The following SH3TC2 variants were observed in gnomAD, a reference collection of about 807,000 sequenced individuals.
SH3TC2 encodes the protein SH3 domain and tetratricopeptide repeats 2.
Under a neutral mutation model 124.5 loss-of-function variants are expected in SH3TC2, and 87 were observed. That is an observed-to-expected ratio of 0.70 (90% CI 0.59 to 0.84). The LOEUF is 0.84. Among genes scored for constraint, SH3TC2 ranks in the 40% least tolerant of loss-of-function variants. The pLI is 0.00. For missense variants in SH3TC2, 1,536 were observed against 1,566.4 expected (o/e 0.98, Z 0.33); for synonymous variants, 634 against 628.5 (o/e 1.01, Z -0.13).
intron 1 of SH3TC2, among the ~76,000 whole-genome samples, chr5:149,053,577 C>T (rs887263069): frequency 3.3e-5 from 5 of 152,130 alleles, no homozygotes; most frequent in African/African-American, 9.7e-5. Flanking sequence ...AGTTCTGCCC[C>T]GAGGAACCAA....
At chr5:149,026,540 T>G in intron 12 of SH3TC2, 32 bp downstream of exon 12, 1 of 1,612,344 alleles carries the variant, frequency 6.2e-7, no homozygotes, top group Non-Finnish European at 8.5e-7. Flanking sequence ...GAAGGAAAGC[T>G]GCTTCTAGGA....
In SH3TC2 at chr5:148,983,865, A is replaced by G. The variant is rs1177854938; in HGVS notation, c.*20846T>C. Reference sequence around the variant, plus strand: ...CTTCTGGTCACCACCCTGAAACTGCATGAAGCTTAGGAATGAACAGGGAAA... The same window carrying G: ...CTTCTGGTCACCACCCTGAAACTGCGTGAAGCTTAGGAATGAACAGGGAAA... On this transcript the variant is annotated 3_prime_UTR_variant, in exon 17 of 17. Transcript: ENST00000515425. 6.6e-6 allele frequency among the ~76,000 whole-genome samples: 1 copy of G among 152,220 alleles called. No individual in the cohort carries two copies. The highest frequency in any genetic ancestry group is 6.5e-5 in the Admixed American group (1 of 15,286).
intron 2 of SH3TC2, among the ~76,000 whole-genome samples, chr5:149,051,637 A>G (rs1754558442): frequency 6.6e-6 from 1 of 151,960 alleles, no homozygotes; most frequent in Non-Finnish European, 1.5e-5. Context: ...TTTTTTGTTT[A>G]GGGATCAGGT....
intron 12 of SH3TC2, chr5:149,026,370 G>A (rs2127396781): frequency 1.6e-6 from 1 of 621,022 alleles, no homozygotes; most frequent in African/African-American, 1.8e-5. Flanking sequence ...AGGAAACTGA[G>A]ACATGGAGAA....
chr5:149,040,673 A>G lies in SH3TC2; in HGVS notation c.736T>C (p.Phe246Leu). The change falls in exon 7 of 17, where the codon TTC (phenylalanine) becomes CTC (leucine). Residue 246 changes from phenylalanine (F) to leucine (L), a missense_variant. Transcript: ENST00000515425. ...EPLPLPFHQW[F>L]LKNYPGSCGL... ...CAGCTTCCTGGATAATTCTTTAGGA[A>G]CCACCTGCCAATGAAAACATGGGGT... 1 of 1,614,112 alleles carries G rather than the reference A, an allele frequency of 6.2e-7. No homozygotes were observed. Among genetic ancestry groups the G allele is most frequent in the Non-Finnish European group, 8.5e-7 (1 of 1,179,990 alleles).
At chr5:149,013,882 T>A (rs1336655645) in intron 12 of SH3TC2, among the ~76,000 whole-genome samples, 1 of 152,214 alleles carries the variant, frequency 6.6e-6, no homozygotes, top group Admixed American at 6.5e-5. Context: ...TTTCCCAGTG[T>A]GTTGCAACTT....
At chr5:149,058,179 TAA>T (rs1371717923) in intron 1 of SH3TC2, among the ~76,000 whole-genome samples, 5 of 152,214 alleles carry the variant, frequency 3.3e-5, no homozygotes, top group African/African-American at 1.2e-4. Flanking sequence ...GCTTTTGATA[TAA>T]GCTAGTTTTA....
rs1053300035 is a variant in SH3TC2, at chr5:149,001,072, C to T, written c.*3639G>A. On this transcript the variant is annotated 3_prime_UTR_variant, in exon 17 of 17. Transcript: ENST00000515425. ...CCTTTAGTGATAGGCTTCCTGATCC[C>T]TCATCCTAACACCCTCCATTCCTGC... 6.6e-6 allele frequency among the ~76,000 whole-genome samples: 1 copy of T among 152,114 alleles called. No homozygotes were observed. Among genetic ancestry groups the T allele is most frequent in the African/African-American group, 2.4e-5 (1 of 41,428 alleles).
intron 12 of SH3TC2, among the ~76,000 whole-genome samples, chr5:149,019,105 A>C (rs1753925925): frequency 6.6e-6 from 1 of 152,192 alleles, no homozygotes; most frequent in South Asian, 2.1e-4. Context: ...CTCCTAAGCA[A>C]TCTGTGCCAG....
intron 1 of SH3TC2, among the ~76,000 whole-genome samples, chr5:149,052,491 C>T (rs542843612): frequency 2.0e-5 from 3 of 152,292 alleles, no homozygotes; most frequent in African/African-American, 4.8e-5. Flanking sequence ...ATTCACATAT[C>T]GAACTACGTC....
chr5:149,004,730 C>A lies in SH3TC2; in HGVS notation c.3848G>T (p.Gly1283Val). The stretch of plus-strand genomic sequence containing the variant: ...CTTTCCTCAGAGGGCCAGGCCACCA[C>A]CACTCAGCCACCGCGCCCTCTCTGA... Reference protein sequence around the residue: ...CSSERARWLSGGGLAL With the variant: ...CSSERARWLSVGGLAL The change falls in exon 17 of 17, where the codon GGT becomes GTT. Residue 1283 changes from glycine to valine, a missense_variant. By Grantham distance (109) the Gly-to-Val change is moderately radical. Around this residue, in one of 3 missense-constraint regions of SH3TC2, gnomAD observed 426 missense variants for 443.5 expected, o/e 0.96. Coordinates refer to ENST00000515425, the MANE Select transcript of SH3TC2 (RefSeq NM_024577.4). 6.2e-7 allele frequency: 1 copy of A among 1,613,482 alleles called. No homozygotes were observed. Among genetic ancestry groups the A allele is most frequent in the Non-Finnish European group, 8.5e-7 (1 of 1,179,980 alleles).
Position 149,004,588 on chromosome 5 carries a change from T to C in SH3TC2, c.*123A>G, listed in dbSNP as rs1194095910. Reference sequence around the variant, plus strand: ...TTCTCCTCCTGGACTTCATTCTTCTTCTTGTGAAATGAGGGGGCTAGGCCA... The same window carrying C: ...TTCTCCTCCTGGACTTCATTCTTCTCCTTGTGAAATGAGGGGGCTAGGCCA... On this transcript the variant is annotated 3_prime_UTR_variant, in exon 17 of 17. Transcript: ENST00000515425. 9.9e-7 allele frequency: 1 copy of C among 1,006,524 alleles called. No homozygotes were observed. Among genetic ancestry groups the C allele is most frequent in the Non-Finnish European group, 1.4e-6 (1 of 690,510 alleles). The allele number at this position is 1,006,524 out of a possible 1,614,324, so 62.3% of individuals were successfully genotyped here. A position where few individuals can be genotyped will look rare whatever the true frequency, so the allele number is the denominator to read the frequency against.
At chr5:149,041,984 T>C (rs960011406) in intron 5 of SH3TC2, among the ~76,000 whole-genome samples, 1 of 152,220 alleles carries the variant, frequency 6.6e-6, no homozygotes, top group Non-Finnish European at 1.5e-5. Flanking sequence ...CAAAAAAGAA[T>C]TGATTAAATT....
intron 3 of SH3TC2, 172 bp downstream of exon 3, chr5:149,047,690 T>G (rs1049845374): frequency 1.4e-5 from 13 of 900,544 alleles, no homozygotes; most frequent in Non-Finnish European, 2.3e-5. Context: ...TGCCCACTCC[T>G]CTCCACTCCT....
chr5:149,023,412 T>C (rs958009552), intron 12 of SH3TC2, among the ~76,000 whole-genome samples: 4 of 152,124 alleles, frequency 2.6e-5, no homozygotes, highest in African/African-American at 9.7e-5. Context: ...TAATATCTAA[T>C]ATTTATTTAA....
chr5:149,047,848 T>A lies in SH3TC2; in HGVS notation c.279+14A>T. 2.5e-6 allele frequency: 4 copies of A among 1,613,870 alleles called. No individual in the cohort carries two copies. The highest frequency in any genetic ancestry group is 3.4e-6 in the Non-Finnish European group (4 of 1,179,830). ...AGTCAGTACTCAGCATTCACCTGTT[T>A]CCTTCATGCTCACCTTAAACAGCAT... is the stretch of plus-strand genomic sequence containing the variant. On this transcript the variant is annotated intron_variant, in intron 3 of 16. Coordinates refer to ENST00000515425, the MANE Select transcript of SH3TC2 (RefSeq NM_024577.4).
chr5:149,047,494 T>A (rs1754484169), intron 3 of SH3TC2: 1 of 315,940 alleles, frequency 3.2e-6, no homozygotes, highest in Non-Finnish European at 6.2e-6. Context: ...ATGTATATTG[T>A]ATCACAGTAA....
intron 12 of SH3TC2, among the ~76,000 whole-genome samples, chr5:149,017,872 C>G (rs533852684): frequency 8.5e-5 from 13 of 152,274 alleles, no homozygotes; most frequent in African/African-American, 2.6e-4. Flanking sequence ...GGCCCATGAG[C>G]CAAATACAGC....
At chr5:149,055,913 C>T (rs1679283372) in intron 1 of SH3TC2, among the ~76,000 whole-genome samples, 1 of 151,980 alleles carries the variant, frequency 6.6e-6, no homozygotes, top group South Asian at 2.1e-4. Flanking sequence ...AAGACCCATC[C>T]CCCAAAAATT....
Sources: gnomAD v4.1 joint callset for allele counts (sites outside exome capture counted in the v4.1 genomes callset) on GRCh38, gnomAD v4.1.1 for gene constraint, gnomAD v4.1.1 regional missense constraint, MANE v1.5 for transcripts, NCBI Gene and HGNC (gene_info 2026-07-23, HGNC 2026-07-21) for gene names.